ABCC1: variants seen among roughly 807,000 people sequenced by gnomAD.
ABCC1 encodes multidrug resistance-associated protein 1.
Under a neutral mutation model 172.9 loss-of-function variants are expected in ABCC1, and 83 were observed. The ratio of observed to expected loss-of-function variants is 0.48; its 90% CI spans 0.40 to 0.58. The LOEUF (loss-of-function observed/expected upper bound fraction) is 0.58. ABCC1 is among the 20% of genes least tolerant of loss of function. ABCC1 has a pLI of 0.00. For synonymous variants in ABCC1, 937 were observed against 825.2 expected (o/e 1.14, Z -2.32); for missense variants, 1,817 against 2,002.7 (o/e 0.91, Z 1.77).
intron 1 of ABCC1, among the ~76,000 whole-genome samples, chr16:15,982,746 C>T (rs1745837543): frequency 7.1e-6 from 1 of 140,226 alleles, no homozygotes; most frequent in Non-Finnish European, 1.5e-5. Context: ...GTTGAGACTG[C>T]AGTCAGCTAT....
chr16:16,132,009 C>G (rs1180326807), intron 27 of ABCC1, 74 bp downstream of exon 27: 20 of 1,548,938 alleles, frequency 1.3e-5, no homozygotes, highest in Non-Finnish European at 1.8e-5. Context: ...GTGAACCTAG[C>G]TGCAGCGTCT....
intron 3 of ABCC1, among the ~76,000 whole-genome samples, chr16:16,011,723 G>A (rs915365034): frequency 1.3e-5 from 2 of 151,436 alleles, no homozygotes; most frequent in South Asian, 2.1e-4. Context: ...AGGCTGAAAT[G>A]TAATGGTGTG....
chr16:16,135,204 G>T (rs938572247), intron 28 of ABCC1, among the ~76,000 whole-genome samples: 1 of 152,116 alleles, frequency 6.6e-6, no homozygotes, highest in East Asian at 1.9e-4. Flanking sequence ...GCACCTGCAG[G>T]CTTGTTACGT....
intron 1 of ABCC1, among the ~76,000 whole-genome samples, chr16:15,967,937 CT>C (rs2046284001): frequency 2.6e-5 from 4 of 152,150 alleles, no homozygotes; most frequent in Admixed American, 2.6e-4. Flanking sequence ...GTCTTTTCTC[CT>C]ACTCTTTGTC....
At chr16:16,101,122 C>G (rs1313625627) in intron 19 of ABCC1, among the ~76,000 whole-genome samples, 1 of 151,972 alleles carries the variant, frequency 6.6e-6, no homozygotes, top group Non-Finnish European at 1.5e-5. Context: ...ACCTCCGCCT[C>G]CCGGGTTCAA....
chr16:16,124,383 G>A (rs1567432335), intron 24 of ABCC1, among the ~76,000 whole-genome samples: 15 of 109,836 alleles, frequency 1.4e-4, no homozygotes, highest in African/African-American at 2.2e-4. Context: ...CCGGCTGTGT[G>A]TGTGTGTGTG....
At chr16:15,980,609 T>C (rs1256711720) in intron 1 of ABCC1, among the ~76,000 whole-genome samples, 1 of 152,168 alleles carries the variant, frequency 6.6e-6, no homozygotes, top group Non-Finnish European at 1.5e-5. Flanking sequence ...CCCCCATGAT[T>C]GAATTGTCTC....
At chr16:15,956,524 T>TG in intron 1 of ABCC1, among the ~76,000 whole-genome samples, 1 of 151,918 alleles carries the variant, frequency 6.6e-6, no homozygotes, top group Middle Eastern at 3.4e-3. Context: ...TTGATAGAGA[T>TG]GGGGAGCTTG....
At chr16:16,114,667 G>T in intron 22 of ABCC1, 99 bp from the exon 23 acceptor site, 1 of 1,097,404 alleles carries the variant, frequency 9.1e-7, no homozygotes, top group Non-Finnish European at 1.3e-6. Context: ...ATTAGAAGTT[G>T]GGAGTCCAGG....
At chr16:16,015,339 C>T (rs149541) in intron 4 of ABCC1, among the ~76,000 whole-genome samples, 82,096 of 151,838 alleles carry the variant, frequency 0.54, 24,756 homozygotes, top group East Asian at 0.7. Flanking sequence ...GGGGTTTCAC[C>T]ACGTTGGCCA....
chr16:15,972,135 A>G (rs2046383495), intron 1 of ABCC1, among the ~76,000 whole-genome samples: 1 of 152,136 alleles, frequency 6.6e-6, no homozygotes, highest in South Asian at 2.1e-4. Flanking sequence ...GGAATCTGTG[A>G]CACAGTTAAA....
intron 24 of ABCC1, among the ~76,000 whole-genome samples, chr16:16,124,351 T>TGTGTGTGTGTGTG (rs1567432185): frequency 6.1e-5 from 2 of 32,898 alleles, no homozygotes; most frequent in African/African-American, 1.2e-4. Flanking sequence ...GTGTGTGTGA[T>TGTGTGTGTGTGTG]TATAGGAGTG....
chr16:16,036,419 C>G (rs987263835), intron 6 of ABCC1, 53 bp from the exon 7 acceptor site: 8 of 1,565,652 alleles, frequency 5.1e-6, no homozygotes, highest in Non-Finnish European at 7.0e-6. Context: ...CCGTCCTCCC[C>G]CTCCTCCTGT....
chr16:16,031,076 T>G (rs1395986552), intron 5 of ABCC1, among the ~76,000 whole-genome samples: 2 of 152,186 alleles, frequency 1.3e-5, no homozygotes, highest in African/African-American at 2.4e-5. Context: ...CTCGAACTCC[T>G]GACCACAAGT....
chr16:16,134,038 T>C (rs1306954802), intron 27 of ABCC1, among the ~76,000 whole-genome samples: 2 of 152,200 alleles, frequency 1.3e-5, no homozygotes, highest in Non-Finnish European at 2.9e-5. Context: ...AATAGTTTCT[T>C]GAGTCTAAAC....
rs551862377 is a variant in ABCC1, at chr16:15,982,055, G to T, written c.49-25761G>T. The stretch of plus-strand genomic sequence containing the variant: ...CTCCATCTGAGACCACCTCAGCCTG[G>T]ACTTCATTGTCCATATCACTATCAG... On this transcript the variant is annotated intron_variant, in intron 1 of 30. Transcript: ENST00000399410. 3.9e-5 allele frequency among the ~76,000 whole-genome samples: 6 copies of T among 152,262 alleles called. No individual in the cohort carries two copies. In the East Asian group the frequency reaches 1.2e-3, roughly 29 times the overall value.
intron 5 of ABCC1, among the ~76,000 whole-genome samples, chr16:16,020,362 C>G (rs1195498543): frequency 6.6e-6 from 1 of 152,184 alleles, no homozygotes; most frequent in Admixed American, 6.5e-5. Flanking sequence ...GCCTGAACTT[C>G]CCTCTGGGTT....
intron 21 of ABCC1, among the ~76,000 whole-genome samples, chr16:16,107,320 C>G (rs1345493940): frequency 6.6e-6 from 1 of 152,096 alleles, no homozygotes; most frequent in East Asian, 1.9e-4. Context: ...GATGGAGTCT[C>G]ACTCTGTCAC....
At chr16:16,057,196 AAAGAAAG>A (rs2049693834) in intron 12 of ABCC1, among the ~76,000 whole-genome samples, 1 of 93,780 alleles carries the variant, frequency 1.1e-5, no homozygotes. Flanking sequence ...AAAAAAAAAA[AAAGAAAG>A]AAAAAAAAAG....
Sources: allele counts gnomAD v4.1 joint callset (sites outside exome capture counted in the v4.1 genomes callset), GRCh38; gene constraint gnomAD v4.1.1; transcripts MANE v1.5; gene names NCBI Gene and HGNC (gene_info 2026-07-23, HGNC 2026-07-21).